TET3: variants seen among roughly 807,000 people sequenced by gnomAD.
TET3 encodes methylcytosine dioxygenase TET3.
In TET3, 19 loss-of-function variants were observed where a neutral mutation model predicts 141.4. That is an observed-to-expected ratio of 0.13 (90% confidence interval 0.09 to 0.20). The LOEUF is 0.20. Among genes scored for constraint, TET3 ranks in the 10% least tolerant of loss-of-function variants. The pLI, the probability that TET3 is intolerant of heterozygous loss-of-function variation, is 1.00. For missense variants in TET3, 1,874 were observed against 2,356.9 expected (o/e 0.80, Z 4.24); for synonymous variants, 1,043 against 980.9 (o/e 1.06, Z -1.18).
chr2:74,001,065 C>T (rs765500825), intron 2 of TET3, among the ~76,000 whole-genome samples: 11 of 152,144 alleles, frequency 7.2e-5, no homozygotes, highest in Admixed American at 1.3e-4. Context: ...GGCACAGAAA[C>T]CCATTGTTCC....
rs143448770 is a variant in TET3 at position 74,097,578 on chromosome 2, G to A, written c.3268-1698G>A. ...CTCGGGGGCTACTCAGGGGAGCACC[G>A]GGCCAGTCAGGAGGCAGAAGAGGAA... On this transcript the variant is annotated intron_variant, in intron 10 of 11. Transcript: ENST00000409262. 3.6e-3 allele frequency among the ~76,000 whole-genome samples: 553 copies of A among 152,272 alleles called. 3 individuals are homozygous for A. Among genetic ancestry groups the A allele is most frequent in the South Asian group, 0.027 (131 of 4,830 alleles).
intron 4 of TET3, among the ~76,000 whole-genome samples, chr2:74,057,449 G>A (rs936088931): frequency 6.6e-6 from 1 of 152,146 alleles, no homozygotes; most frequent in Non-Finnish European, 1.5e-5. Context: ...ACTAATAATT[G>A]AAACCTCTAC....
chr2:74,126,850 TTAA>T, the TET3 span, among the ~76,000 whole-genome samples: 5 of 152,166 alleles, frequency 3.3e-5, no homozygotes, highest in Non-Finnish European at 7.3e-5. Context: ...TTAGAAAATA[TTAA>T]TAATATGATT....
At chr2:74,069,032 T>C (rs1689056299) in intron 4 of TET3, among the ~76,000 whole-genome samples, 1 of 152,192 alleles carries the variant, frequency 6.6e-6, no homozygotes. Context: ...AGGGTTTTAT[T>C]TATTTATTTT....
chr2:74,115,133 C>G, the TET3 span, among the ~76,000 whole-genome samples: 34,311 of 151,968 alleles, frequency 0.23, 4,410 homozygotes, highest in East Asian at 0.37. Flanking sequence ...AGCTTCTGCA[C>G]AGTAAAGTTG....
chr2:74,027,318 G>A (rs1191274614), intron 3 of TET3, among the ~76,000 whole-genome samples: 1 of 150,598 alleles, frequency 6.6e-6, no homozygotes, highest in African/African-American at 2.5e-5. Flanking sequence ...CGGGGTAGAA[G>A]GTGGGTGATG....
the TET3 span, among the ~76,000 whole-genome samples, chr2:74,117,819 C>G: frequency 2.2e-4 from 34 of 152,222 alleles, no homozygotes; most frequent in African/African-American, 7.9e-4. Flanking sequence ...AATCTTGGCT[C>G]ACTGCAACCT....
intron 3 of TET3, among the ~76,000 whole-genome samples, chr2:74,025,938 C>CA (rs201803252): frequency 5.2e-4 from 77 of 148,880 alleles, no homozygotes; most frequent in African/African-American, 1.4e-3. Context: ...ACCTCATCTC[C>CA]AAAAAAAAAT....
chr2:74,047,523 C>T lies in TET3; in HGVS notation c.1606C>T (p.Arg536Cys), dbSNP rs780444047. The change falls in exon 4 of 12, where the codon CGC (arginine) becomes TGC (cysteine). Residue 536 changes from arginine to cysteine, a missense_variant. Around this residue, in one of 10 missense-constraint regions of TET3, gnomAD observed 484 missense variants for 462.2 expected, o/e 1.05. Transcript: ENST00000409262. ...CCTGCAGCAGCACCTCCACCACAAG[C>T]GCAGCCTCTTCCTAGAACAGGTGCA... is the stretch of plus-strand genomic sequence containing the variant. ...TALQQHLHHK[R>C]SLFLEQVHDT... The T allele has an allele frequency of 7.4e-6, 12 of 1,613,350 alleles. No homozygotes were observed. Among genetic ancestry groups the T allele is most frequent in the African/African-American group, 1.3e-5 (1 of 74,936 alleles).
downstream of TET3, among the ~76,000 whole-genome samples, chr2:74,111,292 T>C (rs532613557): frequency 3.3e-5 from 5 of 152,328 alleles, no homozygotes; most frequent in South Asian, 2.1e-4. Context: ...CTAATGCCAA[T>C]GATTTCCAAA....
chr2:74,114,138 G>A, the TET3 span, among the ~76,000 whole-genome samples: 1 of 152,128 alleles, frequency 6.6e-6, no homozygotes, highest in Non-Finnish European at 1.5e-5. Context: ...AGAGAACCCA[G>A]AAACTAATCC....
chr2:74,074,245 G>C (rs1689368605), intron 5 of TET3, among the ~76,000 whole-genome samples: 1 of 152,122 alleles, frequency 6.6e-6, no homozygotes, highest in Non-Finnish European at 1.5e-5. Context: ...AGAAGTCCTG[G>C]TTCCTTTTAT....
At chr2:74,062,620 G>A (rs1485244549) in intron 4 of TET3, among the ~76,000 whole-genome samples, 2 of 152,120 alleles carry the variant, frequency 1.3e-5, no homozygotes, top group African/African-American at 2.4e-5. Context: ...AGATTTTCCA[G>A]ATTACCAGGG....
downstream of TET3, among the ~76,000 whole-genome samples, chr2:74,111,196 C>A (rs1048821741): frequency 2.0e-5 from 3 of 152,114 alleles, no homozygotes; most frequent in African/African-American, 4.8e-5. Context: ...ACACAAATGC[C>A]CCCAAAAGAA....
chr2:74,020,147 T>A (rs549850781), intron 3 of TET3, among the ~76,000 whole-genome samples: 6 of 152,296 alleles, frequency 3.9e-5, no homozygotes, highest in Admixed American at 2.0e-4. Context: ...CTACGTGAAG[T>A]TTATTCCTAT....
At position 74,101,763 on chromosome 2, in the gene TET3, G is replaced by A; in HGVS notation, c.4975G>A (p.Ala1659Thr). Residue 1659 changes from alanine (A) to threonine (T), a missense_variant, in exon 12 of 12, where the codon GCC becomes ACC. Ala to Thr is a moderately conservative substitution (Grantham distance 58, BLOSUM62 0). Around this residue, in one of 10 missense-constraint regions of TET3, gnomAD observed 41 missense variants for 116.8 expected, o/e 0.35. Coordinates refer to ENST00000409262, the MANE Select transcript of TET3 (RefSeq NM_001287491.2). The surrounding 1 kb of genome is among the most constrained non-coding windows in gnomAD (Gnocchi z 8.5). Reference protein sequence around the residue: ...ENIGGVAVAPAHGSILIECAR... With the variant: ...ENIGGVAVAPTHGSILIECAR... ...CATCGGCGGCGTGGCCGTGGCCCCA[G>A]CCCACGGCTCCATCCTCATCGAGTG... 6.2e-7 allele frequency: 1 copy of A among 1,613,186 alleles called. No homozygotes were observed. Among genetic ancestry groups the A allele is most frequent in the African/African-American group, 1.3e-5 (1 of 75,058 alleles).
rs747061433 is a variant in TET3, at chr2:74,047,666, A to G, written c.1749A>G (p.Pro583=). 1.1e-5 allele frequency: 18 copies of G among 1,613,412 alleles called. No homozygotes were observed. Among genetic ancestry groups the G allele is most frequent in the South Asian group, 6.6e-5 (6 of 90,986 alleles). The change falls in exon 4 of 12, where the codon CCA becomes CCG. Residue 583 remains proline, a synonymous_variant. Transcript: ENST00000409262. ...CCAAGGAGAAGAAGAAGAAGCTCCC[A>G]ACACCAGCTGGAGGTCCCGTGGGAA... ...RPPKEKKKKL[P]TPAGGPVGTE...
At chr2:74,059,772 C>G (rs1322148536) in intron 4 of TET3, among the ~76,000 whole-genome samples, 1 of 152,134 alleles carries the variant, frequency 6.6e-6, no homozygotes, top group African/African-American at 2.4e-5. Context: ...AGTCTCCCAC[C>G]TTGGCCTCTC....
chr2:74,087,143 A>C lies in TET3; in HGVS notation c.2680-687A>C, dbSNP rs1361445261. Among the ~76,000 whole-genome samples the C allele has an allele frequency of 6.6e-6, 1 of 152,208 alleles. No individual in the cohort carries two copies. The stretch of plus-strand genomic sequence containing the variant: ...GTTCATCCATGTTGTAACATGGATC[A>C]GAATTTTGTTTCTCTTTAAGGCTGA... On this transcript the variant is annotated intron_variant, in intron 6 of 11. Transcript: ENST00000409262. This position sits in a 1 kb window ranked among gnomAD's most constrained non-coding sequence, Gnocchi z 4.3.
Sources: gnomAD v4.1 joint callset for allele counts (sites outside exome capture counted in the v4.1 genomes callset) on GRCh38, gnomAD v4.1.1 for gene constraint, gnomAD v4.1.1 regional missense constraint, Gnocchi (gnomAD v3.1) non-coding constraint, MANE v1.5 for transcripts, NCBI Gene and HGNC (gene_info 2026-07-23, HGNC 2026-07-21) for gene names.